Variants in NCEH1 observed in about 807,000 individuals in gnomAD.
NCEH1 encodes neutral cholesterol ester hydrolase 1, also known as 2-acetyl MAGE hydrolase.
A neutral mutation model predicts 25.4 loss-of-function variants in NCEH1; 9 were observed. The observed-to-expected ratio is 0.35, with a 90% CI of 0.21 to 0.62. NCEH1 has a LOEUF of 0.62. NCEH1 is among the 20% of genes least tolerant of loss of function. The pLI, the probability that NCEH1 is intolerant of heterozygous loss-of-function variation, is 0.72. For synonymous variants in NCEH1, 200 were observed against 199.8 expected (o/e 1.00, Z -0.01); for missense variants, 412 against 501.1 (o/e 0.82, Z 1.70).
At chr3:172,701,575 G>A (rs1713685739) in intron 1 of NCEH1, among the ~76,000 whole-genome samples, 1 of 148,372 alleles carries the variant, frequency 6.7e-6, no homozygotes, top group African/African-American at 2.5e-5. Context: ...TCAGCCTCCC[G>A]AGTAGCTGGG....
intron 1 of NCEH1, among the ~76,000 whole-genome samples, chr3:172,666,682 G>A (rs756713287): frequency 3.9e-5 from 6 of 152,156 alleles, no homozygotes; most frequent in African/African-American, 7.2e-5. Flanking sequence ...TCATCGGAGC[G>A]GTGAGTATGG....
Position 172,631,911 on chromosome 3 carries a change from C to T in NCEH1, c.*1564G>A, listed in dbSNP as rs1205976755. ...GAAGGAAGGACGGCAGGAAGGCAGGCAGAGATCCTCAACTCAAATCACAAT... is the reference window on the plus strand; with the variant it reads ...GAAGGAAGGACGGCAGGAAGGCAGGTAGAGATCCTCAACTCAAATCACAAT... On this transcript the variant is annotated 3_prime_UTR_variant, in exon 5 of 5. Coordinates refer to ENST00000475381, the MANE Select transcript of NCEH1 (RefSeq NM_020792.6). 1 of 152,664 alleles carries T rather than the reference C, an allele frequency of 6.6e-6. No individual in the cohort carries two copies. 9.5% of individuals were successfully genotyped at this position (152,664 alleles called of 1,614,324 possible).
chr3:172,638,306 A>G (rs1716691316), intron 3 of NCEH1, among the ~76,000 whole-genome samples: 1 of 142,190 alleles, frequency 7.0e-6, no homozygotes, highest in Non-Finnish European at 1.5e-5. Context: ...AAAAAAAAAA[A>G]ATCCCTTAGC....
At chr3:172,653,264 T>C (rs1455057003) in intron 1 of NCEH1, among the ~76,000 whole-genome samples, 1 of 152,130 alleles carries the variant, frequency 6.6e-6, no homozygotes, top group East Asian at 1.9e-4. Flanking sequence ...ACTGGCTCCC[T>C]ACCCAGGTCT....
chr3:172,662,498 A>T (rs1031700649), intron 1 of NCEH1, among the ~76,000 whole-genome samples: 1 of 152,024 alleles, frequency 6.6e-6, no homozygotes, highest in African/African-American at 2.4e-5. Flanking sequence ...GTTAGGGAGG[A>T]TTCCCTCTTT....
At chr3:172,642,936 T>TGTTC (rs1484740072) in intron 3 of NCEH1, among the ~76,000 whole-genome samples, 1 of 129,560 alleles carries the variant, frequency 7.7e-6, no homozygotes, top group African/African-American at 2.7e-5. Flanking sequence ...TTGCTTTGTT[T>TGTTC]GTTTGTTTGT....
At chr3:172,662,751 G>A (rs550995789) in intron 1 of NCEH1, among the ~76,000 whole-genome samples, 134 of 152,232 alleles carry the variant, frequency 8.8e-4, no homozygotes, top group Non-Finnish European at 1.5e-3. Flanking sequence ...GTTTATTTGC[G>A]TAGAGGTGTT....
rs930937279 is a variant in NCEH1 at position 172,708,475 on chromosome 3, C to G, written c.138+2372G>C. ...GGTTCAAGCGATTCTCCTGCCTCAG[C>G]CTCCCAAGTAGCTGGGACTACAGGC... On this transcript the variant is annotated intron_variant, in intron 1 of 4. Transcript: ENST00000475381. Among the ~76,000 whole-genome samples, 18 of 152,224 alleles carry G rather than the reference C, an allele frequency of 1.2e-4. 1 individual carries two copies. Among genetic ancestry groups the G allele is most frequent in the African/African-American group, 2.4e-5 (1 of 41,458 alleles).
chr3:172,644,028 G>A (rs1016952986), intron 3 of NCEH1, among the ~76,000 whole-genome samples: 1 of 152,212 alleles, frequency 6.6e-6, no homozygotes, highest in Admixed American at 6.5e-5. Context: ...GAAAGGTCCA[G>A]GTGCGGTGGC....
rs1714004111 is a variant in NCEH1 at position 172,706,529 on chromosome 3, C to T, written c.138+4318G>A. ...TTTTTTTTTTTTTTTGAGACGAAGTCTCACTGTAGCCCAGGCTAGAGTGCA... is the reference window on the plus strand; with the variant it reads ...TTTTTTTTTTTTTTTGAGACGAAGTTTCACTGTAGCCCAGGCTAGAGTGCA... On this transcript the variant is annotated intron_variant, in intron 1 of 4. Coordinates refer to ENST00000475381, the MANE Select transcript of NCEH1 (RefSeq NM_020792.6). Among the ~76,000 whole-genome samples, 6 of 126,876 alleles carry T rather than the reference C, an allele frequency of 4.7e-5. No individual in the cohort carries two copies. The South Asian group carries it at 1.0e-3, about 21-fold the overall frequency. 83.2% of individuals were successfully genotyped at this position (126,876 alleles called of 152,430 possible).
intron 3 of NCEH1, 97 bp from the exon 4 acceptor site, chr3:172,636,184 G>A: frequency 6.0e-6 from 4 of 666,730 alleles, no homozygotes; most frequent in Non-Finnish European, 1.0e-5. Flanking sequence ...TCTGGAAATA[G>A]ATAAGAAATT....
intron 1 of NCEH1, among the ~76,000 whole-genome samples, chr3:172,659,364 T>C (rs988392173): frequency 3.9e-5 from 6 of 152,210 alleles, no homozygotes; most frequent in Non-Finnish European, 7.3e-5. Context: ...CCTCAGAACC[T>C]GGCCTTTAAT....
rs539163863 is a variant in NCEH1, at chr3:172,685,668, TC to T, written c.138+25178del. Among the ~76,000 whole-genome samples, 17 of 152,286 alleles carry T rather than the reference TC, an allele frequency of 1.1e-4. No individual in the cohort carries two copies. In the South Asian group the frequency reaches 3.3e-3, roughly 30 times the overall value. On this transcript the variant is annotated intron_variant, in intron 1 of 4. Coordinates refer to ENST00000475381, the MANE Select transcript of NCEH1 (RefSeq NM_020792.6). ...TGCAACCCTAACTTTTTTTTTCTCT[TC>T]CCCTTCATCGACTTAACTTTATACT...
At chr3:172,675,929 G>A (rs1462727850) in intron 1 of NCEH1, among the ~76,000 whole-genome samples, 1 of 152,194 alleles carries the variant, frequency 6.6e-6, no homozygotes, top group Admixed American at 6.5e-5. Flanking sequence ...CTTGTAAAAC[G>A]TATCTCTTTT....
chr3:172,702,844 T>C (rs543349505), intron 1 of NCEH1, among the ~76,000 whole-genome samples: 55 of 151,734 alleles, frequency 3.6e-4, no homozygotes, highest in Non-Finnish European at 6.3e-4. Context: ...AAGAAAAATA[T>C]AGCCAGGCAT....
chr3:172,677,755 C>T (rs1323742343), intron 1 of NCEH1, among the ~76,000 whole-genome samples: 1 of 152,214 alleles, frequency 6.6e-6, no homozygotes, highest in African/African-American at 2.4e-5. Context: ...AGCGAAACCC[C>T]GTCTCTACTA....
Position 172,648,627 on chromosome 3 carries a change from A to T in NCEH1, c.139-513T>A, listed in dbSNP as rs113155956. On this transcript the variant is annotated intron_variant, in intron 1 of 4. Coordinates refer to ENST00000475381, the MANE Select transcript of NCEH1 (RefSeq NM_020792.6). ...TTAAATTGCTTTGTAACTTCAATATATTTAATTGTATCTTTAAATGTGTCT... is the reference window on the plus strand; with the variant it reads ...TTAAATTGCTTTGTAACTTCAATATTTTTAATTGTATCTTTAAATGTGTCT... 3.5e-3 allele frequency among the ~76,000 whole-genome samples: 539 copies of T among 152,258 alleles called. 5 individuals carry two copies. Among genetic ancestry groups the T allele is most frequent in the African/African-American group, 0.012 (512 of 41,556 alleles).
Position 172,640,117 on chromosome 3 carries a change from GC to G in NCEH1, c.438-4031del, listed in dbSNP as rs1227844573. ...CACAACCTTCTGCTGTGGAAGGGAC[GC>G]CAAGTTCTCTTCATATAGTACTACT... On this transcript the variant is annotated intron_variant, in intron 3 of 4. Coordinates refer to ENST00000475381, the MANE Select transcript of NCEH1 (RefSeq NM_020792.6). Among the ~76,000 whole-genome samples, 4 of 152,248 alleles carry G rather than the reference GC, an allele frequency of 2.6e-5. No individual in the cohort carries two copies. In the East Asian group the frequency reaches 7.7e-4, roughly 29 times the overall value.
intron 1 of NCEH1, among the ~76,000 whole-genome samples, chr3:172,661,634 CTCTTT>C (rs1717977228): frequency 6.6e-6 from 1 of 152,006 alleles, no homozygotes; most frequent in South Asian, 2.1e-4. Flanking sequence ...TGTTTGTGTC[CTCTTT>C]TATTTCATTG....
Sources: allele counts gnomAD v4.1 joint callset (sites outside exome capture counted in the v4.1 genomes callset), GRCh38; gene constraint gnomAD v4.1.1; transcripts MANE v1.5; gene names NCBI Gene and HGNC (gene_info 2026-07-23, HGNC 2026-07-21).